LAMA2: variants seen among roughly 807,000 people sequenced by gnomAD.
LAMA2 encodes laminin subunit alpha 2.
Under a neutral mutation model 364.8 loss-of-function variants are expected in LAMA2, and 269 were observed. The ratio of observed to expected loss-of-function variants is 0.74; its 90% CI spans 0.67 to 0.82. The LOEUF is 0.82. Among genes scored for constraint, LAMA2 ranks in the 40% least tolerant of loss-of-function variants. LAMA2 has a pLI of 0.00. For synonymous variants in LAMA2, 1,379 were observed against 1,370.6 expected (o/e 1.01, Z -0.14); for missense variants, 3,807 against 3,873.2 (o/e 0.98, Z 0.45).
intron 1 of LAMA2, among the ~76,000 whole-genome samples, chr6:128,928,263 A>C (rs1779222911): frequency 6.6e-6 from 1 of 152,220 alleles, no homozygotes; most frequent in African/African-American, 2.4e-5. Flanking sequence ...TTTAGGAAAT[A>C]GTTTGGATTT....
At chr6:129,109,128 C>T (rs1455310743) in intron 4 of LAMA2, among the ~76,000 whole-genome samples, 1 of 152,030 alleles carries the variant, frequency 6.6e-6, no homozygotes, top group Non-Finnish European at 1.5e-5. Context: ...CCCGGGGCCA[C>T]ACCGTATTAA....
intron 40 of LAMA2, among the ~76,000 whole-genome samples, chr6:129,419,145 C>G (rs536267119): frequency 2.2e-4 from 34 of 151,626 alleles, no homozygotes; most frequent in Admixed American, 4.6e-4. Context: ...TTTGACCCAG[C>G]CTTAGATGTA....
At chr6:129,024,773 ATGCTTAT>A (rs1785688786) in intron 1 of LAMA2, among the ~76,000 whole-genome samples, 1 of 152,080 alleles carries the variant, frequency 6.6e-6, no homozygotes, top group Non-Finnish European at 1.5e-5. Flanking sequence ...AGGCAGAAGT[ATGCTTAT>A]GGTCAGTCAG....
chr6:128,907,325 G>A (rs1203321145), intron 1 of LAMA2, among the ~76,000 whole-genome samples: 11 of 145,712 alleles, frequency 7.5e-5, no homozygotes, highest in African/African-American at 2.6e-4. Context: ...GCAGTGGTTT[G>A]TAGTTCTCCT....
At chr6:129,504,809 CTCAA>C (rs771428603) in intron 60 of LAMA2, among the ~76,000 whole-genome samples, 7 of 152,218 alleles carry the variant, frequency 4.6e-5, no homozygotes, top group Middle Eastern at 3.2e-3. Context: ...AGGCTCTTTG[CTCAA>C]TCAAACTAAT....
chr6:128,998,566 C>T lies in LAMA2; in HGVS notation c.113-51352C>T, dbSNP rs1342680204. Among the ~76,000 whole-genome samples, 7 of 94,362 alleles carry T rather than the reference C, an allele frequency of 7.4e-5. 1 individual carries two copies. The highest frequency in any genetic ancestry group is 2.1e-4 in the East Asian group (1 of 4,714). 61.9% of individuals were successfully genotyped at this position (94,362 alleles called of 152,430 possible). A position where few individuals can be genotyped will look rare whatever the true frequency, so the allele number is the denominator to read the frequency against. ...GCACCGTGCGCGAGCCGAAGCAGGGCGAGGCATTGCCTCACCTGGGAAGCG... is the reference window on the plus strand; with the variant it reads ...GCACCGTGCGCGAGCCGAAGCAGGGTGAGGCATTGCCTCACCTGGGAAGCG... On this transcript the variant is annotated intron_variant, in intron 1 of 64. Coordinates refer to ENST00000421865, the MANE Select transcript of LAMA2 (RefSeq NM_000426.4).
rs564170454 is a variant in LAMA2, at chr6:129,177,885, T to G, written c.1467+19T>G. 5.0e-6 allele frequency: 8 copies of G among 1,610,548 alleles called. No homozygotes were observed. In the South Asian group the frequency reaches 8.8e-5, roughly 18 times the overall value. On this transcript the variant is annotated intron_variant, in intron 10 of 64. Coordinates refer to ENST00000421865, the MANE Select transcript of LAMA2 (RefSeq NM_000426.4). Reference sequence around the variant, plus strand: ...CTGCAAGGTACATTGTTTATTCCAGTAATGTCCCACTGTCAAGACAGAAGG... The same window carrying G: ...CTGCAAGGTACATTGTTTATTCCAGGAATGTCCCACTGTCAAGACAGAAGG...
Position 129,402,337 on chromosome 6 carries a change from T to C in LAMA2, c.5576T>C (p.Ile1859Thr), listed in dbSNP as rs754292437. 2 of 1,613,338 alleles carry C rather than the reference T, an allele frequency of 1.2e-6. No homozygotes were observed. The highest frequency in any genetic ancestry group is 2.7e-5 in the African/African-American group (2 of 74,844). Residue 1859 changes from isoleucine (I) to threonine (T), a missense_variant, in exon 39 of 65, where the codon ATC becomes ACC. Physicochemically the swap from Ile to Thr is moderately conservative, Grantham distance 89. This residue lies in a region of LAMA2 where 3,333 missense variants were observed against 3,345.7 expected (regional missense o/e 1.00). Coordinates refer to ENST00000421865, the MANE Select transcript of LAMA2 (RefSeq NM_000426.4). Reference sequence around the variant, plus strand: ...TCTACATATCAGTATGTTGAAGACATCCAAACTAAATTGCCACCTATGTCT... The same window carrying C: ...TCTACATATCAGTATGTTGAAGACACCCAAACTAAATTGCCACCTATGTCT... ...INSIIDYVED[I>T]QTKLPPMSEE...
chr6:129,099,096 G>A (rs1201605740), intron 4 of LAMA2, among the ~76,000 whole-genome samples: 6 of 142,056 alleles, frequency 4.2e-5, no homozygotes, highest in African/African-American at 1.6e-4. Context: ...TTTATTAGTT[G>A]TATGTGGGGG....
chr6:129,250,004 G>T, intron 12 of LAMA2, 108 bp from the exon 13 acceptor site: 1 of 754,742 alleles, frequency 1.3e-6, no homozygotes, highest in Non-Finnish European at 2.4e-6. Flanking sequence ...TCTGCGTCTT[G>T]CAAATACTGC....
At chr6:129,132,368 G>C (rs1422929606) in intron 4 of LAMA2, among the ~76,000 whole-genome samples, 2 of 151,926 alleles carry the variant, frequency 1.3e-5, no homozygotes, top group Non-Finnish European at 2.9e-5. Flanking sequence ...GGGTTTCACT[G>C]TGTTAGCCAG....
intron 40 of LAMA2, among the ~76,000 whole-genome samples, chr6:129,410,828 G>A (rs1028326606): frequency 6.6e-6 from 1 of 152,168 alleles, no homozygotes; most frequent in African/African-American, 2.4e-5. Flanking sequence ...TATGGAGGCT[G>A]CAAAGTCCCA....
intron 62 of LAMA2, among the ~76,000 whole-genome samples, chr6:129,509,626 T>C (rs1350147267): frequency 6.6e-6 from 1 of 152,162 alleles, no homozygotes; most frequent in Non-Finnish European, 1.5e-5. Context: ...TTCCCTAATG[T>C]ATGTTCTTAG....
intron 1 of LAMA2, among the ~76,000 whole-genome samples, chr6:129,033,037 C>T (rs1317956387): frequency 1.3e-5 from 2 of 151,984 alleles, no homozygotes; most frequent in African/African-American, 4.8e-5. Context: ...TTTAACCAGG[C>T]ATTTGGATAT....
intron 12 of LAMA2, among the ~76,000 whole-genome samples, chr6:129,238,749 GAAT>G (rs1785189495): frequency 6.6e-6 from 1 of 152,052 alleles, no homozygotes; most frequent in Non-Finnish European, 1.5e-5. Context: ...CTATACAATA[GAAT>G]AATAATAATA....
chr6:129,073,940 A>T (rs1235309399), intron 3 of LAMA2, among the ~76,000 whole-genome samples: 1 of 152,148 alleles, frequency 6.6e-6, no homozygotes, highest in Non-Finnish European at 1.5e-5. Flanking sequence ...ATTCTGGAAG[A>T]TGTTATTTTT....
intron 19 of LAMA2, among the ~76,000 whole-genome samples, chr6:129,289,858 A>ATTAATTTTT (rs1789571827): frequency 2.6e-5 from 4 of 152,168 alleles, no homozygotes; most frequent in African/African-American, 9.7e-5. Flanking sequence ...TCTTTGCCAT[A>ATTAATTTTT]TAATCACAAT....
At chr6:129,132,005 A>G (rs1425886064) in intron 4 of LAMA2, among the ~76,000 whole-genome samples, 1 of 151,982 alleles carries the variant, frequency 6.6e-6, no homozygotes, top group Non-Finnish European at 1.5e-5. Flanking sequence ...ATAATTCTAC[A>G]ATCTCCTCTT....
At chr6:128,983,363 G>A (rs1337564303) in intron 1 of LAMA2, among the ~76,000 whole-genome samples, 3 of 152,154 alleles carry the variant, frequency 2.0e-5, no homozygotes, top group Non-Finnish European at 4.4e-5. Context: ...CTGATGGCCA[G>A]TGATGGTGAG....
Sources: gnomAD v4.1 joint callset for allele counts (sites outside exome capture counted in the v4.1 genomes callset) on GRCh38, gnomAD v4.1.1 for gene constraint, gnomAD v4.1.1 regional missense constraint, MANE v1.5 for transcripts, NCBI Gene and HGNC (gene_info 2026-07-23, HGNC 2026-07-21) for gene names.